SDC1: variants seen among roughly 807,000 people sequenced by gnomAD.
SDC1 encodes the protein syndecan-1.
Under a neutral mutation model 29.7 loss-of-function variants are expected in SDC1, and 14 were observed. That is an observed-to-expected ratio of 0.47 (90% CI 0.31 to 0.74). SDC1 has a LOEUF of 0.74. SDC1 is among the 30% of genes least tolerant of loss of function. The probability of loss-of-function intolerance (pLI) is 0.05; values close to 1 mark genes in which losing one functional copy is unlikely to be tolerated. For synonymous variants in SDC1, 204 were observed against 175.5 expected, an observed-to-expected ratio of 1.16 and a Z score of -1.29; for missense variants, 406 against 400.3, an observed-to-expected ratio of 1.01 and a Z score of -0.12.
intron 1 of SDC1, among the ~76,000 whole-genome samples, chr2:20,214,985 G>A (rs1677586238): frequency 6.6e-6 from 1 of 152,196 alleles, no homozygotes; most frequent in Non-Finnish European, 1.5e-5. Flanking sequence ...AGGCAAAGGA[G>A]CTATGTCATC....
intron 1 of SDC1, among the ~76,000 whole-genome samples, chr2:20,221,416 A>C (rs2148297766): frequency 6.6e-6 from 1 of 152,228 alleles, no homozygotes; most frequent in East Asian, 1.9e-4. Context: ...CACCAGGCAG[A>C]GGGGCAAAGT....
At chr2:20,203,413 G>A (rs1677113612) in intron 3 of SDC1, among the ~76,000 whole-genome samples, 191 bp from the exon 4 acceptor site, 1 of 152,226 alleles carries the variant, frequency 6.6e-6, no homozygotes, top group African/African-American at 2.4e-5. Context: ...GACCCTGGCT[G>A]GACCATGGCA....
In SDC1 at chr2:20,206,403, C is replaced by T. The variant is rs150597430; in HGVS notation, c.67-979G>A. Among the ~76,000 whole-genome samples the T allele has an allele frequency of 2.7e-3, 417 of 152,334 alleles. 2 individuals are homozygous for T. Among genetic ancestry groups the T allele is most frequent in the African/African-American group, 9.4e-3 (390 of 41,576 alleles). On this transcript the variant is annotated intron_variant, in intron 1 of 4. Coordinates refer to ENST00000254351, the MANE Select transcript of SDC1 (RefSeq NM_002997.5). The stretch of plus-strand genomic sequence containing the variant: ...GGCGGGGAGGCAGGATCACGCCACA[C>T]ACAGTGAGCAGGCCTGTGCAGAACC...
intron 1 of SDC1, among the ~76,000 whole-genome samples, chr2:20,214,663 A>G (rs1677576529): frequency 6.6e-6 from 1 of 152,232 alleles, no homozygotes; most frequent in African/African-American, 2.4e-5. Context: ...AAAGCTCAGC[A>G]TGACCCTAGG....
chr2:20,201,823 G>A lies in SDC1; in HGVS notation c.*943C>T, dbSNP rs1443787881. ...CTCCCTACAGTCCTCTCTGTCTGAA[G>A]GCTGAGTCCCAGCATTCACTTCTCA... is the stretch of plus-strand genomic sequence containing the variant. On this transcript the variant is annotated 3_prime_UTR_variant, in exon 5 of 5. Coordinates refer to ENST00000254351, the MANE Select transcript of SDC1 (RefSeq NM_002997.5). 1.3e-5 allele frequency: 2 copies of A among 156,998 alleles called. No individual in the cohort carries two copies. The highest frequency in any genetic ancestry group is 6.5e-5 in the Admixed American group (1 of 15,374). 9.7% of individuals were successfully genotyped at this position (156,998 alleles called of 1,614,324 possible). A position where few individuals can be genotyped will look rare whatever the true frequency, so the allele number is the denominator to read the frequency against.
intron 1 of SDC1, among the ~76,000 whole-genome samples, chr2:20,218,530 C>A (rs923527804): frequency 1.4e-5 from 2 of 146,188 alleles, no homozygotes; most frequent in Non-Finnish European, 3.0e-5. Flanking sequence ...CACACACAGA[C>A]ACACACACAC....
At chr2:20,207,217 T>G (rs915204946) in intron 1 of SDC1, among the ~76,000 whole-genome samples, 1 of 152,214 alleles carries the variant, frequency 6.6e-6, no homozygotes, top group African/African-American at 2.4e-5. Flanking sequence ...GAGGGAAGCG[T>G]CAGACACGTG....
chr2:20,208,023 G>C, intron 1 of SDC1: 1 of 985,432 alleles, frequency 1.0e-6, no homozygotes, highest in Non-Finnish European at 1.2e-6. Flanking sequence ...GCAGGGATGG[G>C]GCAAGGCACT....
intron 1 of SDC1, among the ~76,000 whole-genome samples, chr2:20,221,084 C>T (rs1404792398): frequency 1.3e-5 from 2 of 152,148 alleles, no homozygotes; most frequent in East Asian, 1.9e-4. Flanking sequence ...CTTGGCAGCA[C>T]CTCTTTGTTA....
intron 1 of SDC1, chr2:20,208,133 AC>A (rs1677340369): frequency 1.0e-6 from 1 of 985,390 alleles, no homozygotes; most frequent in African/African-American, 1.7e-5. Flanking sequence ...CAATGAGGCA[AC>A]CGAAGCCCAC....
In SDC1 at chr2:20,204,220, T is replaced by G; in HGVS notation, c.220A>C (p.Ile74Leu). 6.3e-7 allele frequency: 1 copy of G among 1,598,340 alleles called. No individual in the cohort carries two copies. Residue 74 changes from isoleucine to leucine, a missense_variant, in exon 3 of 5, where the codon ATT becomes CTT. Transcript: ENST00000254351. ...TWKDTQLLTA[I>L]PTSPEPTGLE... ...CCGGTGGGTTCTGGAGACGTGGGAA[T>G]AGCCGTCAGGAGCTGCGTGTCCTTC...
intron 1 of SDC1, among the ~76,000 whole-genome samples, chr2:20,215,880 T>A (rs1345608649): frequency 1.5e-5 from 2 of 136,204 alleles, no homozygotes; most frequent in African/African-American, 5.2e-5. Context: ...GCCAGCTAGT[T>A]CTCGGTCCCA....
intron 1 of SDC1, among the ~76,000 whole-genome samples, chr2:20,213,281 T>A (rs1677529720): frequency 6.6e-6 from 1 of 151,814 alleles, no homozygotes; most frequent in South Asian, 2.1e-4. Context: ...TTTCCCCCCC[T>A]GGCAAAACCC....
rs191587123 is a variant in SDC1, at chr2:20,202,212, G to A, written c.*554C>T. On this transcript the variant is annotated 3_prime_UTR_variant, in exon 5 of 5. Coordinates refer to ENST00000254351, the MANE Select transcript of SDC1 (RefSeq NM_002997.5). Reference sequence around the variant, plus strand: ...ACTTAACTTACCTCAGAAGTAACAAGGTCTACTGGGCTATGAACAAAGAAC... The same window carrying A: ...ACTTAACTTACCTCAGAAGTAACAAAGTCTACTGGGCTATGAACAAAGAAC... 8 of 756,838 alleles carry A rather than the reference G, an allele frequency of 1.1e-5. No individual in the cohort carries two copies. In the East Asian group the frequency reaches 1.5e-4, roughly 14 times the overall value. The allele number at this position is 756,838 out of a possible 1,614,324, so 46.9% of individuals were successfully genotyped here.
At chr2:20,216,823 G>GAC (rs1677639534) in intron 1 of SDC1, among the ~76,000 whole-genome samples, 1 of 152,214 alleles carries the variant, frequency 6.6e-6, no homozygotes, top group African/African-American at 2.4e-5. Context: ...CACCCTGGCA[G>GAC]ACGTGCAATC....
At chr2:20,205,210 C>T in intron 2 of SDC1, 133 bp downstream of exon 2, 1 of 736,038 alleles carries the variant, frequency 1.4e-6, no homozygotes. Flanking sequence ...CCCTTTGGAG[C>T]CAGCTGGGTG....
chr2:20,215,082 C>T (rs1022979082), intron 1 of SDC1, among the ~76,000 whole-genome samples: 11 of 152,240 alleles, frequency 7.2e-5, no homozygotes, highest in African/African-American at 2.7e-4. Flanking sequence ...GCCCACAGGG[C>T]TCTCTCACTC....
rs894348388 is a variant in SDC1 at position 20,224,989 on chromosome 2, G to A, written c.-122C>T. ...TGCCCAGCGCGCCGCTGTCCCAGGCGAGGGCTGCAGGGTCCGCCGGCTGGA... is the reference window on the plus strand; with the variant it reads ...TGCCCAGCGCGCCGCTGTCCCAGGCAAGGGCTGCAGGGTCCGCCGGCTGGA... On this transcript the variant is annotated 5_prime_UTR_variant, in exon 1 of 5. Transcript: ENST00000254351. The surrounding 1 kb of genome is among the most constrained non-coding windows in gnomAD (Gnocchi z 4.9). 2.6e-6 allele frequency: 3 copies of A among 1,144,090 alleles called. No homozygotes were observed. Among genetic ancestry groups the A allele is most frequent in the Non-Finnish European group, 3.2e-6 (3 of 925,340 alleles). The allele number at this position is 1,144,090 out of a possible 1,614,324, so 70.9% of individuals were successfully genotyped here.
rs752726493 is a variant in SDC1, at chr2:20,202,230, C to A, written c.*536G>T. ...GTAACAAGGTCTACTGGGCTATGAA[C>A]AAAGAACTAGAGGAAACATGTGCAA... On this transcript the variant is annotated 3_prime_UTR_variant, in exon 5 of 5. Transcript: ENST00000254351. 1.2e-5 allele frequency: 9 copies of A among 775,414 alleles called. No homozygotes were observed. The highest frequency in any genetic ancestry group is 8.5e-5 in the African/African-American group (5 of 58,954). The allele number at this position is 775,414 out of a possible 1,614,324, so 48.0% of individuals were successfully genotyped here.
Sources: gnomAD v4.1 joint callset for allele counts (sites outside exome capture counted in the v4.1 genomes callset) on GRCh38, gnomAD v4.1.1 for gene constraint, Gnocchi (gnomAD v3.1) non-coding constraint, MANE v1.5 for transcripts, NCBI Gene and HGNC (gene_info 2026-07-23, HGNC 2026-07-21) for gene names.